The following POLR3G variants were observed in gnomAD, a reference collection of about 807,000 sequenced individuals.
POLR3G encodes the protein DNA-directed RNA polymerase III subunit RPC7.
POLR3G carries 28 observed loss-of-function variants against 30.1 expected under a neutral mutation model. That is an observed-to-expected ratio of 0.93 (90% CI 0.69 to 1.27). The LOEUF (loss-of-function observed/expected upper bound fraction) is 1.27, where lower values mean the gene tolerates loss of function less well. Ranked by LOEUF, POLR3G falls within the 50% of genes most tolerant of loss-of-function variation. POLR3G has a pLI of 0.00. For synonymous variants in POLR3G, 79 were observed against 82.5 expected, an observed-to-expected ratio of 0.96 and a Z score of 0.23; for missense variants, 254 against 264.6, an observed-to-expected ratio of 0.96 and a Z score of 0.28.
chr5:90,476,890 C>G (rs913265455), intron 1 of POLR3G, among the ~76,000 whole-genome samples: 1 of 152,132 alleles, frequency 6.6e-6, no homozygotes, highest in African/African-American at 2.4e-5. Context: ...CTTTATTTTT[C>G]TTATCATTTC....
chr5:90,487,378 ATTTTTTTT>A (rs59951999), intron 2 of POLR3G, among the ~76,000 whole-genome samples: 2 of 57,020 alleles, frequency 3.5e-5, no homozygotes, highest in African/African-American at 7.9e-5. Flanking sequence ...TGGTACATTA[ATTTTTTTT>A]TTTTTTTTTT....
chr5:90,490,898 CTA>C, intron 3 of POLR3G: 1 of 160,248 alleles, frequency 6.2e-6, no homozygotes, highest in Non-Finnish European at 1.4e-5. Flanking sequence ...GAGAACGACC[CTA>C]CTGTCAGAGA....
chr5:90,504,122 C>G (rs778485809), intron 6 of POLR3G, among the ~76,000 whole-genome samples: 15 of 151,670 alleles, frequency 9.9e-5, no homozygotes, highest in Non-Finnish European at 2.1e-4. Flanking sequence ...CATAAATCTA[C>G]TTTTAACCTA....
chr5:90,477,031 T>G (rs1267750764), intron 1 of POLR3G, among the ~76,000 whole-genome samples: 1 of 152,226 alleles, frequency 6.6e-6, no homozygotes, highest in African/African-American at 2.4e-5. Context: ...TGAGGGTGCT[T>G]AATAAATACT....
At chr5:90,493,676 A>ATTTTTTTTTTTTTTTTTTT (rs70999488) in intron 3 of POLR3G, among the ~76,000 whole-genome samples, 1 of 51,466 alleles carries the variant, frequency 1.9e-5, no homozygotes, top group Non-Finnish European at 3.9e-5. Flanking sequence ...CCACTATTTA[A>ATTTTTTTTTTTTTTTTTTT]TTTTTTTTTT....
At chr5:90,482,010 T>C (rs1751149205) in intron 1 of POLR3G, among the ~76,000 whole-genome samples, 1 of 152,184 alleles carries the variant, frequency 6.6e-6, no homozygotes, top group African/African-American at 2.4e-5. Context: ...ATACTGACTT[T>C]TGTGCATGTA....
At chr5:90,474,190 C>G, upstream of POLR3G, 1 of 1,610,010 alleles carries the variant, frequency 6.2e-7, no homozygotes, top group South Asian at 1.1e-5. Flanking sequence ...GAGCCGCGCA[C>G]CAGCCAGATG....
chr5:90,474,249 C>G, upstream of POLR3G: 1 of 1,613,658 alleles, frequency 6.2e-7, no homozygotes, highest in African/African-American at 1.3e-5. Context: ...CCAGAAGATA[C>G]CATCGCCTAG....
upstream of POLR3G, chr5:90,474,180 G>A (rs1041610763): frequency 1.9e-6 from 3 of 1,606,668 alleles, no homozygotes; most frequent in East Asian, 2.2e-5. Context: ...GTCCTGCTCG[G>A]AGCCGCGCAC....
chr5:90,498,604 T>C (rs1019198922), intron 5 of POLR3G, among the ~76,000 whole-genome samples: 5 of 152,238 alleles, frequency 3.3e-5, no homozygotes, highest in African/African-American at 9.6e-5. Flanking sequence ...AGAAAGACTT[T>C]TCAATTATTG....
chr5:90,494,026 A>G (rs1475114706), intron 3 of POLR3G, among the ~76,000 whole-genome samples: 1 of 151,950 alleles, frequency 6.6e-6, no homozygotes, highest in Non-Finnish European at 1.5e-5. Context: ...CTAATTTTTT[A>G]GATGCTTTTC....
intron 1 of POLR3G, among the ~76,000 whole-genome samples, chr5:90,479,856 G>A (rs1402622151): frequency 2.0e-5 from 3 of 152,194 alleles, no homozygotes; most frequent in Non-Finnish European, 4.4e-5. Flanking sequence ...ATTTAATTCA[G>A]TTAGCCAAGA....
At chr5:90,502,310 T>C (rs1246488470) in intron 6 of POLR3G, 27 of 955,346 alleles carry the variant, frequency 2.8e-5, no homozygotes, top group Non-Finnish European at 1.2e-6. Context: ...TAAAAAGAGT[T>C]ACATATGTAA....
At chr5:90,510,988 C>G (rs1171968818) in intron 7 of POLR3G, among the ~76,000 whole-genome samples, 2 of 151,908 alleles carry the variant, frequency 1.3e-5, no homozygotes, top group African/African-American at 4.8e-5. Flanking sequence ...CTTATTATAG[C>G]AGATCTCAAT....
At chr5:90,482,581 G>A (rs551233611) in intron 1 of POLR3G, among the ~76,000 whole-genome samples, 92 of 152,222 alleles carry the variant, frequency 6.0e-4, no homozygotes, top group African/African-American at 1.9e-3. Context: ...TTATAGTTTC[G>A]GAGTCATGCA....
At position 90,510,533 on chromosome 5, in the gene POLR3G, T is replaced by A. The variant is rs73771281; in HGVS notation, c.586-1520T>A. Among the ~76,000 whole-genome samples the A allele has an allele frequency of 5.2e-3, 793 of 152,316 alleles. 7 individuals carry two copies. The highest frequency in any genetic ancestry group is 0.018 in the African/African-American group (765 of 41,572). On this transcript the variant is annotated intron_variant, in intron 7 of 7. Coordinates refer to ENST00000651687, the MANE Select transcript of POLR3G (RefSeq NM_006467.3). ...CTTCCTTATTCATCTCCACTTTATG[T>A]ACAAATCGGCTTACTTTTATTTCTA...
intron 7 of POLR3G, among the ~76,000 whole-genome samples, chr5:90,508,568 G>A (rs957548098): frequency 6.6e-6 from 1 of 151,618 alleles, no homozygotes; most frequent in Non-Finnish European, 1.5e-5. Context: ...TTCTTTAGCT[G>A]TCATCACCCC....
intron 3 of POLR3G, among the ~76,000 whole-genome samples, chr5:90,489,348 C>T (rs1372309806): frequency 1.3e-5 from 2 of 151,512 alleles, no homozygotes; most frequent in Non-Finnish European, 2.9e-5. Flanking sequence ...TCACTGCAAC[C>T]TCCGCTTCCT....
chr5:90,512,301 G>A lies in POLR3G; in HGVS notation c.*162G>A, dbSNP rs531912103. On this transcript the variant is annotated 3_prime_UTR_variant, in exon 8 of 8. Coordinates refer to ENST00000651687, the MANE Select transcript of POLR3G (RefSeq NM_006467.3). ...AAAACCACTTTGAGTTTACATACTA[G>A]TTACCTTAAAAATTATTCCCTGACA... The A allele has an allele frequency of 3.0e-5, 17 of 562,874 alleles. No individual in the cohort carries two copies. The highest frequency in any genetic ancestry group is 1.5e-4 in the Admixed American group (5 of 33,108). The allele number at this position is 562,874 out of a possible 1,614,324, so 34.9% of individuals were successfully genotyped here.
Sources: allele counts gnomAD v4.1 joint callset (sites outside exome capture counted in the v4.1 genomes callset), GRCh38; gene constraint gnomAD v4.1.1; transcripts MANE v1.5; gene names NCBI Gene and HGNC (gene_info 2026-07-23, HGNC 2026-07-21).